The following CEP83 variants were observed in gnomAD, a reference collection of about 807,000 sequenced individuals.
CEP83 encodes the protein centrosomal protein 83.
In CEP83, 70 loss-of-function variants were observed where a neutral mutation model predicts 101.9. That is an observed-to-expected ratio of 0.69 (90% confidence interval 0.57 to 0.84). CEP83 has a LOEUF of 0.84. Ranked by LOEUF, CEP83 falls within the 40% of genes least tolerant of loss-of-function variation. The probability of loss-of-function intolerance (pLI) is 0.00; values close to 1 mark genes in which losing one functional copy is unlikely to be tolerated. For synonymous variants in CEP83, 264 were observed against 267.9 expected, an observed-to-expected ratio of 0.99 and a Z score of 0.14; for missense variants, 715 against 787.2, an observed-to-expected ratio of 0.91 and a Z score of 1.10.
chr12:94,311,355 G>GCTCTA (rs1448419007), intron 15 of CEP83, among the ~76,000 whole-genome samples: 10 of 152,148 alleles, frequency 6.6e-5, no homozygotes, highest in African/African-American at 2.4e-4. Context: ...TCTGTAAGCT[G>GCTCTA]CTCTAGCAAA....
intron 1 of CEP83, among the ~76,000 whole-genome samples, chr12:94,448,765 A>C (rs2066993411): frequency 6.6e-6 from 1 of 152,188 alleles, no homozygotes; most frequent in Non-Finnish European, 1.5e-5. Context: ...CAAAATGTAC[A>C]GAATGCAACT....
chr12:94,309,880 T>C (rs772456400), intron 16 of CEP83, 38 bp downstream of exon 16: 9 of 1,309,732 alleles, frequency 6.9e-6, no homozygotes, highest in Non-Finnish European at 7.1e-6. Context: ...TACAAAAATG[T>C]ACGACTTTTT....
intron 11 of CEP83, among the ~76,000 whole-genome samples, chr12:94,345,090 T>C (rs955952081): frequency 6.6e-6 from 1 of 152,152 alleles, no homozygotes; most frequent in African/African-American, 2.4e-5. Context: ...AAAAAGCATA[T>C]GTGTGCCATT....
intron 2 of CEP83, among the ~76,000 whole-genome samples, chr12:94,414,975 G>A (rs1195136289): frequency 6.6e-6 from 1 of 152,032 alleles, no homozygotes; most frequent in East Asian, 1.9e-4. Context: ...ATAGAATTCT[G>A]TATGCAAAGG....
downstream of CEP83, chr12:94,306,534 A>G (rs964722411): frequency 6.6e-6 from 1 of 152,144 alleles, no homozygotes; most frequent in African/African-American, 2.4e-5. Flanking sequence ...TTTTCCTTCT[A>G]TTAAACCAGA....
rs747813874 is a variant in CEP83 at position 94,411,805 on chromosome 12, G to C, written c.216C>G (p.His72Gln). Residue 72 changes from histidine to glutamine, a missense_variant, in exon 4 of 17, where the codon CAC becomes CAG. By Grantham distance (24) the His-to-Gln change is conservative. Transcript: ENST00000397809. Reference sequence around the variant, plus strand: ...GCTGAGTTTGCTTTTCATTAAACAGGTGCTTGAGTTCATTTTGTAACTTTA... The same window carrying C: ...GCTGAGTTTGCTTTTCATTAAACAGCTGCTTGAGTTCATTTTGTAACTTTA... Reference protein sequence around the residue: ...EHVKLQNELKHLFNEKQTQQE... With the variant: ...EHVKLQNELKQLFNEKQTQQE... 1 of 1,612,766 alleles carries C rather than the reference G, an allele frequency of 6.2e-7. No homozygotes were observed.
At chr12:94,329,967 A>T (rs1160527039) in intron 14 of CEP83, among the ~76,000 whole-genome samples, 1 of 152,200 alleles carries the variant, frequency 6.6e-6, no homozygotes, top group East Asian at 1.9e-4. Context: ...TGACTTTTAG[A>T]CTACTCATGT....
At chr12:94,453,045 AG>A (rs2067373457) in intron 1 of CEP83, among the ~76,000 whole-genome samples, 1 of 152,204 alleles carries the variant, frequency 6.6e-6, no homozygotes, top group Non-Finnish European at 1.5e-5. Flanking sequence ...TTACATTTAT[AG>A]GACTACACAC....
intron 14 of CEP83, among the ~76,000 whole-genome samples, chr12:94,315,300 C>A (rs78809253): frequency 0.045 from 6,900 of 152,172 alleles, 213 homozygotes; most frequent in Non-Finnish European, 0.072. Flanking sequence ...CAGTATCTCA[C>A]TGTAGTTTTA....
intron 11 of CEP83, among the ~76,000 whole-genome samples, chr12:94,340,379 G>A (rs1385841601): frequency 1.3e-5 from 2 of 151,862 alleles, no homozygotes; most frequent in African/African-American, 2.4e-5. Context: ...CTGATACCAC[G>A]GTCGCAGTGG....
chr12:94,273,467 G>A, the CEP83 span, among the ~76,000 whole-genome samples: 10 of 152,126 alleles, frequency 6.6e-5, no homozygotes, highest in African/African-American at 2.2e-4. Context: ...CCTCCCTCAT[G>A]AACTACAGCT....
chr12:94,343,470 C>CTTTTTTTTTTTTT lies in CEP83; in HGVS notation c.1344-7819_1344-7807dup, dbSNP rs1161481202. 3.7e-4 allele frequency among the ~76,000 whole-genome samples: 31 copies of CTTTTTTTTTTTTT among 84,174 alleles called. 2 individuals carry two copies. Among genetic ancestry groups the CTTTTTTTTTTTTT allele is most frequent in the African/African-American group, 9.4e-4 (18 of 19,068 alleles). The allele number at this position is 84,174 out of a possible 152,430, so 55.2% of individuals were successfully genotyped here. A position where few individuals can be genotyped will look rare whatever the true frequency, so the allele number is the denominator to read the frequency against. On this transcript the variant is annotated intron_variant, in intron 11 of 16. Coordinates refer to ENST00000397809, the MANE Select transcript of CEP83 (RefSeq NM_016122.3). Reference sequence around the variant, plus strand: ...ACAATGCAATAAAGCTAGAAATTAACTTTTTTTTTTTTTTTTTTTTTTTTT... The same window carrying CTTTTTTTTTTTTT: ...ACAATGCAATAAAGCTAGAAATTAACTTTTTTTTTTTTTTTTTTTTTTTTTTTTTTTTTTTTTT...
chr12:94,402,607 T>G (rs142905074), intron 5 of CEP83, among the ~76,000 whole-genome samples: 7 of 152,170 alleles, frequency 4.6e-5, no homozygotes, highest in African/African-American at 1.4e-4. Flanking sequence ...GCAAAAGAGA[T>G]GTGCCAATTA....
the CEP83 span, among the ~76,000 whole-genome samples, chr12:94,269,435 G>A: frequency 1.3e-3 from 196 of 152,280 alleles, no homozygotes; most frequent in Middle Eastern, 3.4e-3. Context: ...GGACAATTAC[G>A]TTTAATAAAA....
At chr12:94,346,822 C>G (rs953272638) in intron 11 of CEP83, among the ~76,000 whole-genome samples, 2 of 152,108 alleles carry the variant, frequency 1.3e-5, no homozygotes, top group Admixed American at 1.3e-4. Context: ...GGAAAAAACA[C>G]CACTCAGGAG....
chr12:94,312,846 T>C (rs1970081257), intron 15 of CEP83, 68 bp downstream of exon 15: 1 of 1,262,304 alleles, frequency 7.9e-7, no homozygotes, highest in South Asian at 1.6e-5. Flanking sequence ...AGGTACGTTA[T>C]ACTTAGAGAC....
chr12:94,418,808 C>T (rs1310576177), intron 2 of CEP83, among the ~76,000 whole-genome samples: 1 of 152,060 alleles, frequency 6.6e-6, no homozygotes, highest in Non-Finnish European at 1.5e-5. Context: ...TAATGTTATG[C>T]TATATTAATT....
chr12:94,432,606 GTGGGATAAA>G (rs1185793435), intron 2 of CEP83, among the ~76,000 whole-genome samples: 1 of 152,164 alleles, frequency 6.6e-6, no homozygotes, highest in Admixed American at 6.5e-5. Context: ...GTGGGGGAAG[GTGGGATAAA>G]GGGAGGTTGC....
At chr12:94,332,392 G>A (rs2059262176) in intron 13 of CEP83, among the ~76,000 whole-genome samples, 1 of 151,692 alleles carries the variant, frequency 6.6e-6, no homozygotes, top group Non-Finnish European at 1.5e-5. Context: ...CTTACTATAG[G>A]CAGTACTAAT....
Sources: allele counts gnomAD v4.1 joint callset (sites outside exome capture counted in the v4.1 genomes callset), GRCh38; gene constraint gnomAD v4.1.1; transcripts MANE v1.5; gene names NCBI Gene and HGNC (gene_info 2026-07-23, HGNC 2026-07-21).